CTIF: variants seen among roughly 807,000 people sequenced by gnomAD.
The protein encoded by CTIF is cap binding complex dependent translation initiation factor, also known as CBP80/20-dependent translation initiation factor.
A neutral mutation model predicts 66.0 loss-of-function variants in CTIF; 21 were observed. The observed-to-expected ratio is 0.32, with a 90% CI of 0.23 to 0.46. CTIF has a LOEUF of 0.46. Among genes scored for constraint, CTIF ranks in the 20% least tolerant of loss-of-function variants. CTIF has a pLI of 1.00. For missense variants in CTIF, 739 were observed against 812.7 expected (o/e 0.91, Z 1.10); for synonymous variants, 345 against 326.4 (o/e 1.06, Z -0.62).
At chr18:48,592,897 C>T (rs1485157702) in intron 1 of CTIF, among the ~76,000 whole-genome samples, 5 of 152,220 alleles carry the variant, frequency 3.3e-5, no homozygotes, top group Non-Finnish European at 7.3e-5. Context: ...TGGGGGCTTC[C>T]TCTTGTTCCG....
chr18:48,695,424 G>A (rs562257113), intron 6 of CTIF, among the ~76,000 whole-genome samples: 4 of 152,306 alleles, frequency 2.6e-5, no homozygotes, highest in South Asian at 4.1e-4. Flanking sequence ...ATGGGCACTC[G>A]CTGCCGTCAG....
intron 9 of CTIF, among the ~76,000 whole-genome samples, chr18:48,816,081 A>G (rs2068358089): frequency 6.6e-6 from 1 of 152,206 alleles, no homozygotes; most frequent in East Asian, 1.9e-4. Flanking sequence ...GTGTGTGTGC[A>G]GGTTGGTTGG....
Position 48,758,115 on chromosome 18 carries a change from G to T in CTIF, c.781G>T (p.Asp261Tyr). The T allele has an allele frequency of 6.2e-7, 1 of 1,614,106 alleles. No individual in the cohort carries two copies. Among genetic ancestry groups the T allele is most frequent in the Non-Finnish European group, 8.5e-7 (1 of 1,180,024 alleles). Reference protein sequence around the residue: ...HHGNMKHPPGDKGEAGAHRNA... With the variant: ...HHGNMKHPPGYKGEAGAHRNA... ...TGGCAACATGAAGCACCCACCAGGCGACAAGGGGGAGGCAGGCGCACACCG... is the reference window on the plus strand; with the variant it reads ...TGGCAACATGAAGCACCCACCAGGCTACAAGGGGGAGGCAGGCGCACACCG... Residue 261 changes from aspartate (D) to tyrosine (Y), a missense_variant, in exon 8 of 12, where the codon GAC becomes TAC. Physicochemically the swap from Asp to Tyr is radical, Grantham distance 160. Around this residue, in one of 2 missense-constraint regions of CTIF, gnomAD observed 529 missense variants for 520.3 expected, o/e 1.02. Coordinates refer to ENST00000256413, the MANE Select transcript of CTIF (RefSeq NM_014772.3).
chr18:48,547,527 G>C (rs2088780095), intron 1 of CTIF, among the ~76,000 whole-genome samples: 1 of 152,240 alleles, frequency 6.6e-6, no homozygotes. Context: ...CAATGTGCTT[G>C]CTGCTTGTGG....
At chr18:48,647,139 T>C (rs1425293284) in intron 3 of CTIF, among the ~76,000 whole-genome samples, 1 of 152,216 alleles carries the variant, frequency 6.6e-6, no homozygotes, top group African/African-American at 2.4e-5. Context: ...TGCCTGATGA[T>C]GCAGCAGCCT....
intron 9 of CTIF, among the ~76,000 whole-genome samples, chr18:48,779,930 C>G (rs1313224800): frequency 2.0e-5 from 3 of 152,210 alleles, no homozygotes; most frequent in African/African-American, 7.2e-5. Flanking sequence ...GGGCCCTGGT[C>G]TGTGGGGTAT....
intron 10 of CTIF, among the ~76,000 whole-genome samples, chr18:48,843,805 G>A (rs1599151064): frequency 6.6e-6 from 1 of 152,266 alleles, no homozygotes; most frequent in Non-Finnish European, 1.5e-5. Context: ...CCTTTGGCCG[G>A]CCTCTCCCCA....
intron 10 of CTIF, among the ~76,000 whole-genome samples, chr18:48,848,512 AGGT>A: frequency 6.6e-6 from 1 of 152,268 alleles, no homozygotes; most frequent in Non-Finnish European, 1.5e-5. Context: ...GGGTGAGCTG[AGGT>A]GGTCAAGGTG....
intron 1 of CTIF, among the ~76,000 whole-genome samples, chr18:48,602,768 T>G (rs72925544): frequency 4.3e-4 from 66 of 152,348 alleles, no homozygotes; most frequent in Non-Finnish European, 7.8e-4. Flanking sequence ...GAGTTAGTGT[T>G]TTTTAAATGG....
At chr18:48,746,789 G>A (rs2092600282) in intron 7 of CTIF, among the ~76,000 whole-genome samples, 1 of 152,022 alleles carries the variant, frequency 6.6e-6, no homozygotes, top group Non-Finnish European at 1.5e-5. Flanking sequence ...GTCTTAGGGG[G>A]ATCCTCCCAT....
At chr18:48,542,192 T>C (rs1210140810) in intron 1 of CTIF, among the ~76,000 whole-genome samples, 1 of 152,248 alleles carries the variant, frequency 6.6e-6, no homozygotes, top group East Asian at 1.9e-4. Flanking sequence ...TACCACGCAT[T>C]TAATAATTTG....
intron 3 of CTIF, among the ~76,000 whole-genome samples, chr18:48,656,329 T>C (rs1221008651): frequency 5.3e-5 from 8 of 152,216 alleles, no homozygotes; most frequent in Non-Finnish European, 5.9e-5. Flanking sequence ...GGTAACTGGC[T>C]CCATGAACAT....
At chr18:48,741,681 TC>T (rs752419652) in intron 7 of CTIF, among the ~76,000 whole-genome samples, 5 of 152,092 alleles carry the variant, frequency 3.3e-5, no homozygotes, top group Non-Finnish European at 7.4e-5. Flanking sequence ...TGCCTTGGCC[TC>T]CCAACCTGCT....
chr18:48,721,218 G>A (rs1334337249), intron 7 of CTIF, among the ~76,000 whole-genome samples: 1 of 152,196 alleles, frequency 6.6e-6, no homozygotes, highest in African/African-American at 2.4e-5. Context: ...AAAGGTGACT[G>A]AAGAGGACGT....
chr18:48,594,230 G>T (rs891979226), intron 1 of CTIF, among the ~76,000 whole-genome samples: 3 of 152,170 alleles, frequency 2.0e-5, no homozygotes, highest in Non-Finnish European at 4.4e-5. Context: ...GATGCACGGG[G>T]TCCCACACTC....
intron 9 of CTIF, among the ~76,000 whole-genome samples, chr18:48,784,487 G>A (rs921822424): frequency 3.3e-5 from 5 of 152,148 alleles, no homozygotes; most frequent in African/African-American, 4.8e-5. Flanking sequence ...CTACCTGGTC[G>A]GAGGGACCAT....
chr18:48,852,141 G>T (rs944150393), intron 10 of CTIF, among the ~76,000 whole-genome samples: 1 of 148,928 alleles, frequency 6.7e-6, no homozygotes, highest in Admixed American at 6.9e-5. Flanking sequence ...GGCTGAGGCT[G>T]GAAGATTGCT....
intron 7 of CTIF, among the ~76,000 whole-genome samples, chr18:48,741,282 C>A (rs972389604): frequency 6.7e-6 from 1 of 148,748 alleles, no homozygotes; most frequent in East Asian, 1.9e-4. Context: ...CTGCCCCCGC[C>A]CCCCCTCCTT....
In CTIF at chr18:48,764,117, C is replaced by G. The variant is rs988344577; in HGVS notation, c.1371+2428C>G. Reference sequence around the variant, plus strand: ...GTCCCACTCTGAGCATGCACCTCCCCCTGAAGCATCTCACACTCCTACTTC... The same window carrying G: ...GTCCCACTCTGAGCATGCACCTCCCGCTGAAGCATCTCACACTCCTACTTC... On this transcript the variant is annotated intron_variant, in intron 9 of 11. Transcript: ENST00000256413. 6.6e-5 allele frequency among the ~76,000 whole-genome samples: 10 copies of G among 152,294 alleles called. No homozygotes were observed. The South Asian group carries it at 8.3e-4, about 13-fold the overall frequency.
Sources: gnomAD v4.1 joint callset for allele counts (sites outside exome capture counted in the v4.1 genomes callset) on GRCh38, gnomAD v4.1.1 for gene constraint, gnomAD v4.1.1 regional missense constraint, MANE v1.5 for transcripts, NCBI Gene and HGNC (gene_info 2026-07-23, HGNC 2026-07-21) for gene names.